The following KANSL3 variants were observed in gnomAD, a reference collection of about 807,000 sequenced individuals.
KANSL3 encodes NSL complex protein NSL3.
In KANSL3, 16 loss-of-function variants were observed where a neutral mutation model predicts 89.2. The observed-to-expected ratio is 0.18, with a 90% CI of 0.12 to 0.27. KANSL3 has a LOEUF of 0.27. Ranked by LOEUF, KANSL3 falls within the 10% of genes least tolerant of loss-of-function variation. The pLI, the probability that KANSL3 is intolerant of heterozygous loss-of-function variation, is 1.00. For synonymous variants in KANSL3, 385 were observed against 419.7 expected (o/e 0.92, Z 1.01); for missense variants, 879 against 1,110.6 (o/e 0.79, Z 2.96).
At chr2:96,602,403 G>A in intron 18 of KANSL3, 65 bp from the exon 19 acceptor site, 2 of 1,202,802 alleles carry the variant, frequency 1.7e-6, no homozygotes, top group South Asian at 1.3e-5. Context: ...GAGCTTGGAG[G>A]GCCCACAGCA....
chr2:96,610,750 A>G lies in KANSL3; in HGVS notation c.1295T>C (p.Val432Ala). The G allele has an allele frequency of 6.2e-7, 1 of 1,613,878 alleles. No homozygotes were observed. Among genetic ancestry groups the G allele is most frequent in the Non-Finnish European group, 8.5e-7 (1 of 1,179,860 alleles). Reference sequence around the variant, plus strand: ...CCTGAGATTGTCATCAGCTCCCCCAACCACCACCAAGCTGTTCTCAGCTCG... The same window carrying G: ...CCTGAGATTGTCATCAGCTCCCCCAGCCACCACCAAGCTGTTCTCAGCTCG... ...KIRAENSLVV[V>A]GGADDNLRIS... is the part of the protein sequence containing the mutation. The change falls in exon 11 of 21, where the codon GTT becomes GCT. Residue 432 changes from valine (V) to alanine (A), a missense_variant. Physicochemically the swap from Val to Ala is moderately conservative, Grantham distance 64. Transcript: ENST00000431828.
At chr2:96,589,875 G>A (rs1395873871), downstream of KANSL3, among the ~76,000 whole-genome samples, 1 of 152,000 alleles carries the variant, frequency 6.6e-6, no homozygotes, top group Non-Finnish European at 1.5e-5. Context: ...GAGGCCAGGC[G>A]CAGTGGCTCA....
At chr2:96,592,993 A>T (rs2066318848), downstream of KANSL3, among the ~76,000 whole-genome samples, 1 of 148,800 alleles carries the variant, frequency 6.7e-6, no homozygotes, top group African/African-American at 2.5e-5. Flanking sequence ...ACAATGCGAG[A>T]CTCCATCTCG....
At chr2:96,580,537 A>T in the KANSL3 span, among the ~76,000 whole-genome samples, 1 of 152,188 alleles carries the variant, frequency 6.6e-6, no homozygotes, top group Admixed American at 6.5e-5. Flanking sequence ...GGCGAAACCA[A>T]CCTATGGTGG....
At chr2:96,611,452 C>A (rs890543099) in intron 9 of KANSL3, among the ~76,000 whole-genome samples, 1 of 152,194 alleles carries the variant, frequency 6.6e-6, no homozygotes, top group Non-Finnish European at 1.5e-5. Context: ...CTCCATTTTT[C>A]TCCACAAATA....
At chr2:96,621,497 G>C (rs1387711305) in intron 3 of KANSL3, among the ~76,000 whole-genome samples, 1 of 151,412 alleles carries the variant, frequency 6.6e-6, no homozygotes, top group East Asian at 1.9e-4. Context: ...CTGGGTGACA[G>C]AGTGAGACTC....
the KANSL3 span, among the ~76,000 whole-genome samples, chr2:96,583,158 T>A: frequency 6.6e-6 from 1 of 152,234 alleles, no homozygotes; most frequent in Non-Finnish European, 1.5e-5. Context: ...CAAACAAAAT[T>A]CACTGTTTTA....
At position 96,608,078 on chromosome 2, in the gene KANSL3, C is replaced by T. The variant is rs144481548; in HGVS notation, c.1741+430G>A. Among the ~76,000 whole-genome samples, 588 of 152,342 alleles carry T rather than the reference C, an allele frequency of 3.9e-3. 4 individuals are homozygous for T. The highest frequency in any genetic ancestry group is 0.014 in the Middle Eastern group (4 of 294). On this transcript the variant is annotated intron_variant, in intron 14 of 20. Coordinates refer to ENST00000431828, the MANE Select transcript of KANSL3 (RefSeq NM_001115016.3). ...GTATGCAGAGAACCCTGATAAACTT[C>T]ACTGAAAGTCTCAGTGTGAGAATCT...
chr2:96,609,063 T>C lies in KANSL3; in HGVS notation c.1385A>G (p.Asp462Gly). ...TCCAGTCAGAAAGTCCACAATCTCATCCTAGTGTAGAGAGGAGCCAACCAA... is the reference window on the plus strand; with the variant it reads ...TCCAGTCAGAAAGTCCACAATCTCACCCTAGTGTAGAGAGGAGCCAACCAA... ...TQSMVDRCIQ[D>G]EIVDFLTGVL... The change falls in exon 13 of 21, where the codon GAT becomes GGT. Residue 462 changes from aspartate (D) to glycine (G), a missense_variant and splice_region_variant. By Grantham distance (94) the Asp-to-Gly change is moderately conservative. This residue lies in a region of KANSL3 where 198 missense variants were observed against 260.3 expected (regional missense o/e 0.76). Transcript: ENST00000431828. The C allele has an allele frequency of 1.3e-6, 2 of 1,556,234 alleles. No homozygotes were observed. The highest frequency in any genetic ancestry group is 8.7e-7 in the Non-Finnish European group (1 of 1,149,584).
intron 17 of KANSL3, 68 bp downstream of exon 17, chr2:96,604,182 A>G: frequency 1.3e-6 from 2 of 1,506,990 alleles, no homozygotes; most frequent in Non-Finnish European, 8.8e-7. Context: ...ATGCTTTCCC[A>G]GGACCACCCA....
In KANSL3 at chr2:96,636,619, C is replaced by T. The variant is rs182649002; in HGVS notation, c.215+302G>A. The T allele has an allele frequency of 3.7e-5, 11 of 299,186 alleles. No homozygotes were observed. In the East Asian group the frequency reaches 5.9e-4, roughly 16 times the overall value. The allele number at this position is 299,186 out of a possible 1,614,324, so 18.5% of individuals were successfully genotyped here. A position where few individuals can be genotyped will look rare whatever the true frequency, so the allele number is the denominator to read the frequency against. On this transcript the variant is annotated intron_variant, in intron 2 of 20. Transcript: ENST00000431828. ...AATCTTTTAAAATCAACTTTTCAGT[C>T]TTTTTCTTCACCAGTTAAATAACCC...
At chr2:96,601,958 C>T in intron 19 of KANSL3, 158 bp downstream of exon 19, 1 of 1,197,378 alleles carries the variant, frequency 8.4e-7, no homozygotes, top group African/African-American at 1.5e-5. Context: ...GTTCTCTCAA[C>T]CTCTCTGGGG....
At chr2:96,619,263 AC>A in intron 5 of KANSL3, 95 bp downstream of exon 5, 1 of 1,209,598 alleles carries the variant, frequency 8.3e-7, no homozygotes, top group Non-Finnish European at 1.1e-6. Flanking sequence ...TGCACTCCAG[AC>A]CGACCAGATA....
intron 3 of KANSL3, among the ~76,000 whole-genome samples, chr2:96,630,513 C>G (rs1268214033): frequency 6.6e-6 from 1 of 152,082 alleles, no homozygotes; most frequent in Non-Finnish European, 1.5e-5. Flanking sequence ...TCCTAGGGAC[C>G]AGAGAAGCTG....
At chr2:96,602,947 C>A in intron 17 of KANSL3, 85 bp from the exon 18 acceptor site, 4 of 1,239,272 alleles carry the variant, frequency 3.2e-6, no homozygotes, top group Non-Finnish European at 4.7e-6. Context: ...CCCTCACCAC[C>A]AACTAAAACA....
chr2:96,627,111 C>A (rs2072481473), intron 3 of KANSL3, among the ~76,000 whole-genome samples: 1 of 152,196 alleles, frequency 6.6e-6, no homozygotes, highest in Non-Finnish European at 1.5e-5. Flanking sequence ...GTTAGACAAC[C>A]ACTAATGCAG....
Position 96,595,301 on chromosome 2 carries a change from G to C in KANSL3, c.*310C>G. 2.9e-6 allele frequency: 1 copy of C among 339,954 alleles called. No individual in the cohort carries two copies. Among genetic ancestry groups the C allele is most frequent in the South Asian group, 5.1e-5 (1 of 19,452 alleles). 21.1% of individuals were successfully genotyped at this position (339,954 alleles called of 1,614,324 possible). A position where few individuals can be genotyped will look rare whatever the true frequency, so the allele number is the denominator to read the frequency against. On this transcript the variant is annotated 3_prime_UTR_variant, in exon 21 of 21. Transcript: ENST00000431828. ...AATGCAGCAGGCAGTCCTATATGCT[G>C]ACCCTTGGGTCAAACCACAGCTTAA...
chr2:96,611,905 G>A (rs77300820), intron 9 of KANSL3, among the ~76,000 whole-genome samples: 26 of 86,688 alleles, frequency 3.0e-4, no homozygotes, highest in East Asian at 1.7e-3. Context: ...ATACCCATAT[G>A]TGTGTGTGTG....
chr2:96,609,950 CAAAAAA>C (rs35175492), intron 11 of KANSL3, among the ~76,000 whole-genome samples: 1 of 21,610 alleles, frequency 4.6e-5, no homozygotes, highest in African/African-American at 2.1e-4. Flanking sequence ...GGCGCCACCT[CAAAAAA>C]AAAAAAAAAA....
Sources: allele counts gnomAD v4.1 joint callset (sites outside exome capture counted in the v4.1 genomes callset), GRCh38; gene constraint gnomAD v4.1.1; regional missense constraint gnomAD v4.1.1; transcripts MANE v1.5; gene names NCBI Gene and HGNC (gene_info 2026-07-23, HGNC 2026-07-21).